The following CTNNA3 variants were observed in gnomAD, a reference collection of about 807,000 sequenced individuals.
CTNNA3 encodes the protein catenin alpha-3.
CTNNA3 carries 76 observed loss-of-function variants against 95.7 expected under a neutral mutation model. The observed-to-expected ratio is 0.79, with a 90% CI of 0.66 to 0.96. The LOEUF (loss-of-function observed/expected upper bound fraction) is 0.96, where lower values mean the gene tolerates loss of function less well. Among genes scored for constraint, CTNNA3 ranks in the 40% least tolerant of loss-of-function variants. The pLI is 0.00. For missense variants in CTNNA3, 1,191 were observed against 1,089.8 expected, an observed-to-expected ratio of 1.09 and a Z score of -1.31; for synonymous variants, 431 against 374.4, an observed-to-expected ratio of 1.15 and a Z score of -1.74.
intron 10 of CTNNA3, among the ~76,000 whole-genome samples, chr10:66,570,552 G>T (rs777261466): frequency 6.6e-6 from 1 of 152,036 alleles, no homozygotes; most frequent in Non-Finnish European, 1.5e-5. Flanking sequence ...CTCCCAAGGT[G>T]CTGGGATTAC....
At chr10:67,333,301 A>G (rs1564573665) in intron 5 of CTNNA3, among the ~76,000 whole-genome samples, 1 of 152,192 alleles carries the variant, frequency 6.6e-6, no homozygotes, top group Non-Finnish European at 1.5e-5. Flanking sequence ...TGACCCAGAT[A>G]ATAAGCTAGG....
intron 5 of CTNNA3, among the ~76,000 whole-genome samples, chr10:67,404,670 T>C (rs929278500): frequency 6.6e-6 from 1 of 152,050 alleles, no homozygotes; most frequent in Non-Finnish European, 1.5e-5. Context: ...CTGACCTACC[T>C]ACAGAAGCCA....
intron 10 of CTNNA3, among the ~76,000 whole-genome samples, chr10:66,613,767 T>C (rs1844412179): frequency 6.6e-6 from 1 of 152,072 alleles, no homozygotes; most frequent in Non-Finnish European, 1.5e-5. Context: ...TTCCCTGAAG[T>C]GAAAAGAAAT....
intron 15 of CTNNA3, among the ~76,000 whole-genome samples, chr10:65,999,534 A>G (rs775534160): frequency 6.6e-6 from 1 of 152,150 alleles, no homozygotes; most frequent in Non-Finnish European, 1.5e-5. Context: ...CCAAACCACA[A>G]TTATTCTCTT....
chr10:66,062,322 G>C (rs1228116976), intron 15 of CTNNA3, among the ~76,000 whole-genome samples: 1 of 151,998 alleles, frequency 6.6e-6, no homozygotes, highest in African/African-American at 2.4e-5. Flanking sequence ...AAACTATAGA[G>C]CTATTTAAAA....
intron 13 of CTNNA3, among the ~76,000 whole-genome samples, chr10:66,118,850 T>C (rs933728980): frequency 2.0e-5 from 3 of 152,178 alleles, no homozygotes; most frequent in Non-Finnish European, 4.4e-5. Context: ...CTTGGTTTAA[T>C]TGAATTAACC....
chr10:66,262,847 G>GT (rs970485923), intron 13 of CTNNA3, among the ~76,000 whole-genome samples: 1 of 151,252 alleles, frequency 6.6e-6, no homozygotes, highest in Admixed American at 6.6e-5. Context: ...TGTATATAAG[G>GT]TTTTTTTTCA....
chr10:66,840,329 C>T (rs1482189251), intron 7 of CTNNA3, among the ~76,000 whole-genome samples: 3 of 46,008 alleles, frequency 6.5e-5, no homozygotes, highest in African/African-American at 1.6e-4. Flanking sequence ...AGCCATCTCT[C>T]TCTCTCTCTC....
chr10:66,743,832 T>C (rs1205793327), intron 9 of CTNNA3, among the ~76,000 whole-genome samples: 1 of 151,724 alleles, frequency 6.6e-6, no homozygotes, highest in Admixed American at 6.6e-5. Flanking sequence ...AAAAATTAGC[T>C]GGGCACAGTG....
chr10:66,548,395 A>G (rs1014723361), intron 10 of CTNNA3, among the ~76,000 whole-genome samples: 3 of 152,108 alleles, frequency 2.0e-5, no homozygotes, highest in African/African-American at 7.2e-5. Flanking sequence ...TTTTCTCTAC[A>G]TTAAATTATT....
At chr10:66,854,482 A>G (rs1380583944) in intron 7 of CTNNA3, among the ~76,000 whole-genome samples, 1 of 151,926 alleles carries the variant, frequency 6.6e-6, no homozygotes, top group East Asian at 1.9e-4. Flanking sequence ...TATATGTACA[A>G]ATAACGGTGA....
intron 5 of CTNNA3, among the ~76,000 whole-genome samples, chr10:67,259,979 T>C (rs1866528743): frequency 6.6e-6 from 1 of 152,194 alleles, no homozygotes; most frequent in African/African-American, 2.4e-5. Flanking sequence ...GTTAGTATAA[T>C]CCATTACCTT....
chr10:67,305,379 A>AACT (rs1840509281), intron 5 of CTNNA3, among the ~76,000 whole-genome samples: 1 of 114,878 alleles, frequency 8.7e-6, no homozygotes, highest in African/African-American at 4.2e-5. Context: ...AAAAAAAATT[A>AACT]AAAAAAAAAA....
At chr10:67,517,197 ACCAATTTACATTC>A (rs1272302866) in intron 5 of CTNNA3, among the ~76,000 whole-genome samples, 2 of 152,084 alleles carry the variant, frequency 1.3e-5, no homozygotes, top group East Asian at 3.9e-4. Flanking sequence ...AAATGACTGT[ACCAATTTACATTC>A]CCAACAATGT....
At chr10:67,727,708 A>G (rs188342645) in intron 1 of CTNNA3, among the ~76,000 whole-genome samples, 1 of 128,528 alleles carries the variant, frequency 7.8e-6, no homozygotes, top group Non-Finnish European at 1.6e-5. Flanking sequence ...ATCATAGATA[A>G]TATATATAAA....
chr10:66,304,841 T>A (rs1471020676), intron 12 of CTNNA3, among the ~76,000 whole-genome samples: 1 of 152,086 alleles, frequency 6.6e-6, no homozygotes, highest in African/African-American at 2.4e-5. Context: ...GACCATGAGG[T>A]AAGGTTAAGT....
chr10:66,075,728 A>G (rs542401292), intron 14 of CTNNA3, among the ~76,000 whole-genome samples: 1 of 151,766 alleles, frequency 6.6e-6, no homozygotes, highest in Non-Finnish European at 1.5e-5. Flanking sequence ...TTTGCAGATA[A>G]GAAAATTGTC....
chr10:66,195,447 A>G (rs879438669), intron 13 of CTNNA3, among the ~76,000 whole-genome samples: 5 of 151,906 alleles, frequency 3.3e-5, no homozygotes, highest in Non-Finnish European at 5.9e-5. Flanking sequence ...TAAAATGAAT[A>G]TTATTGCAGA....
chr10:67,447,062 G>A (rs369729274), intron 5 of CTNNA3, among the ~76,000 whole-genome samples: 5 of 152,140 alleles, frequency 3.3e-5, no homozygotes, highest in East Asian at 1.9e-4. Context: ...CTGAGACCGC[G>A]CCACTGCACT....
Sources: allele counts gnomAD v4.1 joint callset (sites outside exome capture counted in the v4.1 genomes callset), GRCh38; gene constraint gnomAD v4.1.1; transcripts MANE v1.5; gene names NCBI Gene and HGNC (gene_info 2026-07-23, HGNC 2026-07-21).